SDK1: variants seen among roughly 807,000 people sequenced by gnomAD.
SDK1 encodes the protein protein sidekick-1.
In SDK1, 157 loss-of-function variants were observed where a neutral mutation model predicts 245.5. The observed-to-expected ratio is 0.64, with a 90% CI of 0.56 to 0.73. The LOEUF is 0.73. Ranked by LOEUF, SDK1 falls within the 30% of genes least tolerant of loss-of-function variation. The pLI is 0.00. For missense variants in SDK1, 3,583 were observed against 3,002.3 expected (o/e 1.19, Z -4.52); for synonymous variants, 1,647 against 1,278.5 (o/e 1.29, Z -6.15).
chr7:3,945,218 A>G (rs554217849), intron 5 of SDK1, among the ~76,000 whole-genome samples: 1 of 152,210 alleles, frequency 6.6e-6, no homozygotes, highest in African/African-American at 2.4e-5. Flanking sequence ...AAAGTTATAG[A>G]TAATGAACAG....
At chr7:4,234,071 C>T (rs573406713) in intron 41 of SDK1, among the ~76,000 whole-genome samples, 1 of 152,292 alleles carries the variant, frequency 6.6e-6, no homozygotes, top group East Asian at 1.9e-4. Flanking sequence ...GGGGCAAGAA[C>T]CACCCCGGCA....
At chr7:4,117,136 C>T (rs982029779) in intron 25 of SDK1, among the ~76,000 whole-genome samples, 4 of 152,316 alleles carry the variant, frequency 2.6e-5, no homozygotes, top group Admixed American at 1.3e-4. Flanking sequence ...TCTGCCATAA[C>T]CAACAAAAAC....
chr7:3,605,356 A>G lies in SDK1; in HGVS notation c.299-13724A>G, dbSNP rs567344377. On this transcript the variant is annotated intron_variant, in intron 1 of 44. Transcript: ENST00000404826. ...CTTATTAGATTGTTTTATGGTTTGAAGAAATAATGTTTCACTTAAGGAAAA... is the reference window on the plus strand; with the variant it reads ...CTTATTAGATTGTTTTATGGTTTGAGGAAATAATGTTTCACTTAAGGAAAA... Among the ~76,000 whole-genome samples the G allele has an allele frequency of 6.6e-5, 10 of 152,250 alleles. No homozygotes were observed. In the East Asian group the frequency reaches 1.9e-3, roughly 29 times the overall value.
At chr7:4,089,305 C>G (rs963441681) in intron 22 of SDK1, among the ~76,000 whole-genome samples, 1 of 152,210 alleles carries the variant, frequency 6.6e-6, no homozygotes, top group African/African-American at 2.4e-5. Flanking sequence ...GTGGAGGCGC[C>G]CAGACCCCGA....
Position 4,268,849 on chromosome 7 carries a change from G to A in SDK1, c.*3465G>A, listed in dbSNP as rs117110774. The A allele has an allele frequency of 6.2e-4, 511 of 826,546 alleles. 11 individuals carry two copies. In the East Asian group the frequency reaches 0.024, roughly 39 times the overall value. The allele number at this position is 826,546 out of a possible 1,614,324, so 51.2% of individuals were successfully genotyped here. On this transcript the variant is annotated 3_prime_UTR_variant, in exon 45 of 45. Coordinates refer to ENST00000404826, the MANE Select transcript of SDK1 (RefSeq NM_152744.4). ...TTCCCGCGTCACCTTCTGGTTTAGGGAGCCGTCAGGTCCCTAAACGTTCCC... is the reference window on the plus strand; with the variant it reads ...TTCCCGCGTCACCTTCTGGTTTAGGAAGCCGTCAGGTCCCTAAACGTTCCC...
chr7:4,092,282 C>G (rs556036542), intron 22 of SDK1, among the ~76,000 whole-genome samples: 1 of 152,206 alleles, frequency 6.6e-6, no homozygotes, highest in Non-Finnish European at 1.5e-5. Context: ...GTCTGTGGCT[C>G]TGTCCCAGCC....
At position 4,268,351 on chromosome 7, in the gene SDK1, A is replaced by C; in HGVS notation, c.*2967A>C. 9.5e-7 allele frequency: 1 copy of C among 1,049,200 alleles called. No individual in the cohort carries two copies. Among genetic ancestry groups the C allele is most frequent in the South Asian group, 3.0e-5 (1 of 32,984 alleles). The allele number at this position is 1,049,200 out of a possible 1,614,324, so 65.0% of individuals were successfully genotyped here. ...TGAGCCCAGAGAGAGCTGCCAGGCC[A>C]CACCCCCTCGGCCTCCTGCACGGCC... On this transcript the variant is annotated 3_prime_UTR_variant, in exon 45 of 45. Transcript: ENST00000404826.
chr7:3,873,333 A>G (rs1478944162), intron 5 of SDK1, among the ~76,000 whole-genome samples: 2 of 151,998 alleles, frequency 1.3e-5, no homozygotes, highest in Admixed American at 1.3e-4. Flanking sequence ...TCTGTAGGCA[A>G]TATGTCTTTT....
intron 1 of SDK1, among the ~76,000 whole-genome samples, chr7:3,421,837 G>A (rs1371992692): frequency 6.6e-6 from 1 of 152,144 alleles, no homozygotes; most frequent in Non-Finnish European, 1.5e-5. Context: ...CTGCTGCCAG[G>A]GCTGCTGCCT....
chr7:4,227,406 A>G (rs1194701768), intron 40 of SDK1: 1 of 471,274 alleles, frequency 2.1e-6, no homozygotes, highest in Non-Finnish European at 4.4e-6. Context: ...CCTGCCTTGA[A>G]TGAGGATCCG....
chr7:3,580,379 C>T (rs895011537), intron 1 of SDK1, among the ~76,000 whole-genome samples: 2 of 152,138 alleles, frequency 1.3e-5, no homozygotes, highest in Admixed American at 1.3e-4. Context: ...ATCATGTTAC[C>T]TGACTTCAAA....
Position 3,971,475 on chromosome 7 carries a change from C to A in SDK1, c.1724C>A (p.Ser575Tyr). 2 of 1,611,456 alleles carry A rather than the reference C, an allele frequency of 1.2e-6. No homozygotes were observed. The highest frequency in any genetic ancestry group is 1.3e-5 in the African/African-American group (1 of 74,986). Residue 575 changes from serine (S) to tyrosine (Y), a missense_variant, in exon 12 of 45, where the codon TCC becomes TAC. Physicochemically the swap from Ser to Tyr is moderately radical, Grantham distance 144. Coordinates refer to ENST00000404826, the MANE Select transcript of SDK1 (RefSeq NM_152744.4). ...CTTGTGTTTTTTTCAGATCGGACGT[C>A]CATCGTCCACCCTCCTGAGGACCAC... ...SATLTVWNRTSIVHPPEDHVV... is the reference protein window; with the variant it reads ...SATLTVWNRTYIVHPPEDHVV...
rs182817352 is a variant in SDK1, at chr7:3,956,326, C to T, written c.1151-2605C>T. Among the ~76,000 whole-genome samples, 226 of 152,310 alleles carry T rather than the reference C, an allele frequency of 1.5e-3. 1 individual carries two copies. The highest frequency in any genetic ancestry group is 5.3e-3 in the African/African-American group (221 of 41,574). On this transcript the variant is annotated intron_variant, in intron 7 of 44. Transcript: ENST00000404826. ...CGGTCCATAGGCTTGGCATTTCCTC[C>T]GGTTCTTTGCCTTAGAGCAGACTGT...
intron 1 of SDK1, among the ~76,000 whole-genome samples, chr7:3,487,458 A>G (rs1024682397): frequency 4.6e-5 from 7 of 152,062 alleles, no homozygotes; most frequent in Non-Finnish European, 7.4e-5. Context: ...AGAAATTGCA[A>G]TGGCTGTGCA....
chr7:4,243,347 A>AT (rs1786645515), intron 43 of SDK1, among the ~76,000 whole-genome samples: 1 of 152,202 alleles, frequency 6.6e-6, no homozygotes, highest in South Asian at 2.1e-4. Flanking sequence ...ATGGAAAAGA[A>AT]AATGGACCCT....
chr7:3,651,509 A>T (rs930367729), intron 4 of SDK1, among the ~76,000 whole-genome samples: 2 of 152,226 alleles, frequency 1.3e-5, no homozygotes, highest in Non-Finnish European at 2.9e-5. Context: ...ATTACTCAGA[A>T]TAAAACACAG....
At chr7:3,618,183 CAT>C (rs1420169109) in intron 1 of SDK1, among the ~76,000 whole-genome samples, 3 of 152,174 alleles carry the variant, frequency 2.0e-5, no homozygotes, top group Non-Finnish European at 4.4e-5. Flanking sequence ...ATCTACAAAA[CAT>C]TGACAAATCA....
Position 4,224,553 on chromosome 7 carries a change from G to A in SDK1, c.5827+3189G>A, listed in dbSNP as rs944385484. Among the ~76,000 whole-genome samples the A allele has an allele frequency of 2.6e-4, 40 of 152,282 alleles. 1 individual carries two copies. The highest frequency in any genetic ancestry group is 9.4e-4 in the African/African-American group (39 of 41,544). ...AGGCCCCTCCCCCAACACCGGGGAC[G>A]ATAATTCAACCTGAGATTTGGGTGG... is the stretch of plus-strand genomic sequence containing the variant. On this transcript the variant is annotated intron_variant, in intron 40 of 44. Coordinates refer to ENST00000404826, the MANE Select transcript of SDK1 (RefSeq NM_152744.4).
At chr7:3,848,590 G>A (rs1780338843) in intron 5 of SDK1, among the ~76,000 whole-genome samples, 1 of 152,022 alleles carries the variant, frequency 6.6e-6, no homozygotes, top group Admixed American at 6.5e-5. Flanking sequence ...AGTTCATAGA[G>A]TACACACTTA....
Sources: gnomAD v4.1 joint callset for allele counts (sites outside exome capture counted in the v4.1 genomes callset) on GRCh38, gnomAD v4.1.1 for gene constraint, MANE v1.5 for transcripts, NCBI Gene and HGNC (gene_info 2026-07-23, HGNC 2026-07-21) for gene names.